Variants in CDH23 observed in about 807,000 individuals in gnomAD.
CDH23 encodes cadherin-23.
Under a neutral mutation model 317.1 loss-of-function variants are expected in CDH23, and 189 were observed. The ratio of observed to expected loss-of-function variants is 0.60; its 90% confidence interval spans 0.53 to 0.67. CDH23 has a LOEUF of 0.67. Ranked by LOEUF, CDH23 falls within the 30% of genes least tolerant of loss-of-function variation. The pLI is 0.00. For synonymous variants in CDH23, 1,839 were observed against 1,876.8 expected, an observed-to-expected ratio of 0.98 and a Z score of 0.52; for missense variants, 4,401 against 4,592.4, an observed-to-expected ratio of 0.96 and a Z score of 1.20.
At position 71,800,685 on chromosome 10, in the gene CDH23, A is replaced by G; in HGVS notation, c.7412A>G (p.Tyr2471Cys). ...CTGGACCGGGAGAAGAAGGACCACTATATCCTGACTGCCTTGGCCAAAGAC... is the reference window on the plus strand; with the variant it reads ...CTGGACCGGGAGAAGAAGGACCACTGTATCCTGACTGCCTTGGCCAAAGAC... ...SSLDREKKDH[Y>C]ILTALAKDNP... Residue 2471 changes from tyrosine to cysteine, a missense_variant, in exon 53 of 70, where the codon TAT becomes TGT. This residue lies in a region of CDH23 where 189 missense variants were observed against 250.9 expected (regional missense o/e 0.75). Transcript: ENST00000224721. 2 of 1,613,960 alleles carry G rather than the reference A, an allele frequency of 1.2e-6. No individual in the cohort carries two copies. Among genetic ancestry groups the G allele is most frequent in the Non-Finnish European group, 8.5e-7 (1 of 1,179,882 alleles).
intron 6 of CDH23, among the ~76,000 whole-genome samples, chr10:71,546,352 C>T (rs1856281339): frequency 6.6e-6 from 1 of 152,164 alleles, no homozygotes; most frequent in African/African-American, 2.4e-5. Context: ...TCCTCTATAC[C>T]AGGCAGAGCG....
chr10:71,794,589 A>G (rs1371304385), intron 48 of CDH23: 1 of 152,262 alleles, frequency 6.6e-6, no homozygotes, highest in Admixed American at 6.5e-5. Flanking sequence ...GAGGAATGAT[A>G]GAAGAATCAA....
At chr10:71,646,097 G>A (rs193192069) in intron 13 of CDH23, 117 bp downstream of exon 13, 10 of 1,348,974 alleles carry the variant, frequency 7.4e-6, no homozygotes, top group Non-Finnish European at 1.0e-6. Flanking sequence ...ATCTTCCCTT[G>A]TGGATCTGAC....
chr10:71,602,856 C>T (rs1386243067), intron 9 of CDH23, among the ~76,000 whole-genome samples: 1 of 152,166 alleles, frequency 6.6e-6, no homozygotes, highest in African/African-American at 2.4e-5. Flanking sequence ...GTATTCTCAC[C>T]TCCAAAGAGG....
chr10:71,554,177 T>G (rs1457848090), intron 6 of CDH23, among the ~76,000 whole-genome samples: 2 of 152,186 alleles, frequency 1.3e-5, no homozygotes, highest in African/African-American at 4.8e-5. Flanking sequence ...GAGGCAGGTT[T>G]TCTTTTTTGT....
At chr10:71,610,430 A>G (rs538098597) in intron 9 of CDH23, among the ~76,000 whole-genome samples, 75 of 152,328 alleles carry the variant, frequency 4.9e-4, no homozygotes, top group Admixed American at 1.5e-3. Flanking sequence ...ATGTGCACAA[A>G]TGTGTGGAAG....
Position 71,452,187 on chromosome 10 carries a change from C to T in CDH23, c.145+5792C>T, listed in dbSNP as rs756947802. Among the ~76,000 whole-genome samples, 7 of 152,146 alleles carry T rather than the reference C, an allele frequency of 4.6e-5. No individual in the cohort carries two copies. In the East Asian group the frequency reaches 7.7e-4, roughly 17 times the overall value. ...GCCATGGCTGGCCCTGGGGGAAGAACGCAGAGGTAGCAGCATGAAGCCTGG... is the reference window on the plus strand; with the variant it reads ...GCCATGGCTGGCCCTGGGGGAAGAATGCAGAGGTAGCAGCATGAAGCCTGG... On this transcript the variant is annotated intron_variant, in intron 3 of 69. Coordinates refer to ENST00000224721, the MANE Select transcript of CDH23 (RefSeq NM_022124.6).
chr10:71,514,132 G>A (rs1854144688), intron 6 of CDH23, among the ~76,000 whole-genome samples: 1 of 152,066 alleles, frequency 6.6e-6, no homozygotes, highest in African/African-American at 2.4e-5. Context: ...AGCAGAAGTA[G>A]GAGGACCACT....
At chr10:71,441,684 T>G (rs1490662896) in intron 2 of CDH23, among the ~76,000 whole-genome samples, 1 of 151,706 alleles carries the variant, frequency 6.6e-6, no homozygotes, top group Non-Finnish European at 1.5e-5. Flanking sequence ...ATTGTGCCAT[T>G]GAATTCCAGC....
At position 71,815,408 on chromosome 10, in the gene CDH23, C is replaced by A; in HGVS notation, c.*130C>A. The stretch of plus-strand genomic sequence containing the variant: ...GCCTTGGGGACAACCTTGGCTTGGC[C>A]CTGGCAGCCCGCATCAGCTGCTCAG... On this transcript the variant is annotated 3_prime_UTR_variant, in exon 70 of 70. Transcript: ENST00000224721. 3 of 826,474 alleles carry A rather than the reference C, an allele frequency of 3.6e-6. No homozygotes were observed. Among genetic ancestry groups the A allele is most frequent in the Non-Finnish European group, 5.4e-6 (3 of 552,066 alleles). The allele number at this position is 826,474 out of a possible 1,614,324, so 51.2% of individuals were successfully genotyped here. A position where few individuals can be genotyped will look rare whatever the true frequency, so the allele number is the denominator to read the frequency against.
intron 6 of CDH23, among the ~76,000 whole-genome samples, chr10:71,552,278 A>G (rs1048801722): frequency 6.6e-6 from 1 of 152,152 alleles, no homozygotes; most frequent in African/African-American, 2.4e-5. Context: ...GTGTCCTCCC[A>G]TCCTTTCCAG....
In CDH23 at chr10:71,730,670, C is replaced by T. The variant is rs954592432; in HGVS notation, c.3715+66C>T. 13 of 1,592,764 alleles carry T rather than the reference C, an allele frequency of 8.2e-6. No individual in the cohort carries two copies. The African/African-American group carries it at 1.5e-4, about 18-fold the overall frequency. On this transcript the variant is annotated intron_variant, in intron 31 of 69. Transcript: ENST00000224721. ...AGCAAACCTCCCCAGCTCACCCAGC[C>T]CCTCCTTCGAAACGGTCATCCCTGA... is the stretch of plus-strand genomic sequence containing the variant.
In CDH23 at chr10:71,726,037, C is replaced by T. The variant is rs191260575; in HGVS notation, c.3579+517C>T. Among the ~76,000 whole-genome samples the T allele has an allele frequency of 2.3e-3, 346 of 152,270 alleles. 2 individuals are homozygous for T. Among genetic ancestry groups the T allele is most frequent in the African/African-American group, 8.0e-3 (333 of 41,544 alleles). On this transcript the variant is annotated intron_variant, in intron 30 of 69. Coordinates refer to ENST00000224721, the MANE Select transcript of CDH23 (RefSeq NM_022124.6). ...CCTCATCAAATGTATTCTTTCCTGC[C>T]CAGCCTTATCTGTGCAGCCAAAATC...
chr10:71,493,344 T>C (rs1388718318), intron 3 of CDH23, among the ~76,000 whole-genome samples: 4 of 152,048 alleles, frequency 2.6e-5, no homozygotes, highest in Non-Finnish European at 2.9e-5. Flanking sequence ...GCAGAAATCA[T>C]CTAGGCAGTG....
rs186665319 is a variant in CDH23, at chr10:71,641,841, G to A, written c.1135-2020G>A. 4.4e-3 allele frequency among the ~76,000 whole-genome samples: 677 copies of A among 152,308 alleles called. 6 individuals carry two copies. Among genetic ancestry groups the A allele is most frequent in the African/African-American group, 0.015 (643 of 41,572 alleles). On this transcript the variant is annotated intron_variant, in intron 11 of 69. Coordinates refer to ENST00000224721, the MANE Select transcript of CDH23 (RefSeq NM_022124.6). ...TGCCTGTAATCCCAGCATTTTGGGA[G>A]GCTAAGGAGGGTGGATCATTTGAGG...
In CDH23 at chr10:71,777,889, C is replaced by A. The variant is rs377269771; in HGVS notation, c.5055C>A (p.Ile1685=). ...VAGNIVNTFR[I]DRHMGVITAA... ...GCAACATCGTCAACACCTTCCGCAT[C>A]GACAGACACATGGTCAGCAGCTGAT... The change falls in exon 39 of 70, where the codon ATC becomes ATA. Residue 1685 remains isoleucine (I), a synonymous_variant. Coordinates refer to ENST00000224721, the MANE Select transcript of CDH23 (RefSeq NM_022124.6). 1.5e-5 allele frequency: 24 copies of A among 1,613,738 alleles called. No individual in the cohort carries two copies. The South Asian group carries it at 2.6e-4, about 18-fold the overall frequency.
At chr10:71,649,609 G>T (rs1042901978) in intron 14 of CDH23, among the ~76,000 whole-genome samples, 4 of 152,182 alleles carry the variant, frequency 2.6e-5, no homozygotes, top group African/African-American at 9.7e-5. Flanking sequence ...ACAGCAAAAT[G>T]AGTTTCCACT....
At chr10:71,574,027 C>A (rs1486265948) in intron 8 of CDH23, among the ~76,000 whole-genome samples, 1 of 152,138 alleles carries the variant, frequency 6.6e-6, no homozygotes, top group Non-Finnish European at 1.5e-5. Flanking sequence ...CAGTGTAGAA[C>A]CCTGATTTAA....
chr10:71,694,957 A>G (rs561674404), intron 21 of CDH23, among the ~76,000 whole-genome samples: 1 of 152,198 alleles, frequency 6.6e-6, no homozygotes, highest in East Asian at 1.9e-4. Flanking sequence ...TGATGGAAAA[A>G]TCCCCAGTGC....
Sources: allele counts gnomAD v4.1 joint callset (sites outside exome capture counted in the v4.1 genomes callset), GRCh38; gene constraint gnomAD v4.1.1; regional missense constraint gnomAD v4.1.1; transcripts MANE v1.5; gene names NCBI Gene and HGNC (gene_info 2026-07-23, HGNC 2026-07-21).